Variants in NRG3 observed in about 807,000 individuals in gnomAD.
The protein encoded by NRG3 is neuregulin 3, also known as pro-neuregulin-3, membrane-bound isoform.
NRG3 carries 31 observed loss-of-function variants against 66.9 expected under a neutral mutation model. That is an observed-to-expected ratio of 0.46 (90% confidence interval 0.35 to 0.63). The LOEUF (loss-of-function observed/expected upper bound fraction) is 0.63. Among genes scored for constraint, NRG3 ranks in the 20% least tolerant of loss-of-function variants. The pLI, the probability that NRG3 is intolerant of heterozygous loss-of-function variation, is 0.00. For synonymous variants in NRG3, 393 were observed against 359.4 expected (o/e 1.09, Z -1.06); for missense variants, 910 against 878.9 (o/e 1.04, Z -0.45).
At chr10:82,023,525 T>A (rs2062157509) in intron 1 of NRG3, among the ~76,000 whole-genome samples, 1 of 152,042 alleles carries the variant, frequency 6.6e-6, no homozygotes, top group South Asian at 2.1e-4. Flanking sequence ...TTTTGAGATA[T>A]GTTTCTTCTG....
intron 1 of NRG3, among the ~76,000 whole-genome samples, chr10:82,125,328 T>C (rs911806182): frequency 1.3e-5 from 2 of 152,018 alleles, no homozygotes; most frequent in African/African-American, 4.8e-5. Context: ...TCAGATTAAG[T>C]GATCTTCACC....
At chr10:82,189,021 C>G (rs1423068354) in intron 1 of NRG3, among the ~76,000 whole-genome samples, 3 of 151,922 alleles carry the variant, frequency 2.0e-5, no homozygotes, top group Non-Finnish European at 1.5e-5. Context: ...TTTTAAAAAG[C>G]CATGAAATAA....
At chr10:82,134,433 G>C (rs1481852056) in intron 1 of NRG3, among the ~76,000 whole-genome samples, 1 of 152,012 alleles carries the variant, frequency 6.6e-6, no homozygotes, top group African/African-American at 2.4e-5. Context: ...ATTGATTTTG[G>C]TATATCGTAT....
At chr10:82,042,389 T>G (rs567323067) in intron 1 of NRG3, among the ~76,000 whole-genome samples, 44 of 152,198 alleles carry the variant, frequency 2.9e-4, no homozygotes, top group African/African-American at 8.7e-4. Flanking sequence ...TATGTTTTCA[T>G]AGGATTTAAT....
intron 3 of NRG3, among the ~76,000 whole-genome samples, chr10:82,744,788 G>A (rs1446241539): frequency 1.3e-5 from 2 of 152,090 alleles, no homozygotes; most frequent in East Asian, 1.9e-4. Context: ...TATAAATTAA[G>A]ATATTCTAAT....
chr10:82,725,512 G>T (rs147745485), intron 2 of NRG3, among the ~76,000 whole-genome samples: 403 of 152,258 alleles, frequency 2.6e-3, no homozygotes, highest in African/African-American at 9.2e-3. Flanking sequence ...TAGCTAAATT[G>T]ATCAGAACGG....
intron 2 of NRG3, among the ~76,000 whole-genome samples, chr10:82,532,176 T>C (rs911493746): frequency 1.3e-5 from 2 of 151,808 alleles, no homozygotes; most frequent in Non-Finnish European, 3.0e-5. Context: ...TTTTGAAATA[T>C]ACAATAAATT....
At chr10:82,382,717 G>T (rs2085703209) in intron 2 of NRG3, among the ~76,000 whole-genome samples, 2 of 151,918 alleles carry the variant, frequency 1.3e-5, no homozygotes, top group South Asian at 4.1e-4. Flanking sequence ...AGACTGTAAA[G>T]TAGTTATCTG....
intron 2 of NRG3, among the ~76,000 whole-genome samples, chr10:82,592,977 A>G (rs1266632231): frequency 6.6e-6 from 1 of 152,186 alleles, no homozygotes; most frequent in Non-Finnish European, 1.5e-5. Context: ...CTTATGGCCC[A>G]ATGGGACTAA....
intron 1 of NRG3, among the ~76,000 whole-genome samples, chr10:82,111,160 G>A (rs544261922): frequency 5.7e-4 from 86 of 152,212 alleles, no homozygotes; most frequent in African/African-American, 2.0e-3. Flanking sequence ...TCTTTAGAAG[G>A]AAATAAGATA....
intron 1 of NRG3, among the ~76,000 whole-genome samples, chr10:82,062,620 A>G (rs545794068): frequency 6.6e-6 from 1 of 150,490 alleles, no homozygotes; most frequent in South Asian, 2.1e-4. Flanking sequence ...AAAAAGAAAA[A>G]GAAAAAAAAT....
intron 2 of NRG3, among the ~76,000 whole-genome samples, chr10:82,569,055 T>C (rs2045582179): frequency 6.6e-6 from 1 of 151,764 alleles, no homozygotes; most frequent in African/African-American, 2.4e-5. Context: ...ATATATTCCG[T>C]TAACTCTTAT....
intron 2 of NRG3, among the ~76,000 whole-genome samples, chr10:82,375,499 C>T (rs1589896859): frequency 1.3e-5 from 2 of 149,984 alleles, no homozygotes; most frequent in Admixed American, 6.6e-5. Context: ...ATCGTGCCAC[C>T]GCACTCCAGC....
intron 2 of NRG3, among the ~76,000 whole-genome samples, chr10:82,488,367 T>C (rs1243615753): frequency 6.6e-6 from 1 of 152,194 alleles, no homozygotes. Context: ...ACAAATCCAG[T>C]AGGGCTGAAC....
At chr10:82,222,603 G>T (rs1450625907) in intron 1 of NRG3, among the ~76,000 whole-genome samples, 1 of 149,626 alleles carries the variant, frequency 6.7e-6, no homozygotes, top group Admixed American at 6.6e-5. Context: ...ACTACCTTCA[G>T]ATCAAGAACA....
intron 2 of NRG3, among the ~76,000 whole-genome samples, chr10:82,510,231 C>T (rs1372353188): frequency 6.6e-6 from 1 of 152,158 alleles, no homozygotes; most frequent in African/African-American, 2.4e-5. Flanking sequence ...ACACACTATC[C>T]CCAGAGACTG....
intron 2 of NRG3, among the ~76,000 whole-genome samples, chr10:82,481,848 A>G (rs567463327): frequency 5.9e-5 from 9 of 152,254 alleles, no homozygotes; most frequent in Non-Finnish European, 1.2e-4. Context: ...TGAGCCAGGC[A>G]TGGTGGTGGG....
intron 1 of NRG3, among the ~76,000 whole-genome samples, chr10:82,289,166 A>G (rs892728696): frequency 2.0e-5 from 3 of 152,100 alleles, no homozygotes; most frequent in African/African-American, 4.8e-5. Context: ...TCTTTGCTTT[A>G]GTTTCTAAAC....
At chr10:82,004,955 C>T (rs1035370151) in intron 1 of NRG3, among the ~76,000 whole-genome samples, 6 of 152,204 alleles carry the variant, frequency 3.9e-5, no homozygotes, top group Admixed American at 2.0e-4. Context: ...TGTTTTCTTA[C>T]GGCAGCCCTA....
Sources: allele counts gnomAD v4.1 joint callset (sites outside exome capture counted in the v4.1 genomes callset), GRCh38; gene constraint gnomAD v4.1.1; transcripts MANE v1.5; gene names NCBI Gene and HGNC (gene_info 2026-07-23, HGNC 2026-07-21).